KCNT1: variants seen among roughly 807,000 people sequenced by gnomAD.
KCNT1 encodes the protein potassium sodium-activated channel subfamily T member 1.
Under a neutral mutation model 147.8 loss-of-function variants are expected in KCNT1, and 78 were observed. The ratio of observed to expected loss-of-function variants is 0.53; its 90% CI spans 0.44 to 0.64. The LOEUF (loss-of-function observed/expected upper bound fraction) is 0.64, where lower values mean the gene tolerates loss of function less well. KCNT1 is among the 30% of genes least tolerant of loss of function. The pLI is 0.00. For missense variants in KCNT1, 1,419 were observed against 1,750.3 expected, an observed-to-expected ratio of 0.81 and a Z score of 3.38; for synonymous variants, 867 against 748.8, an observed-to-expected ratio of 1.16 and a Z score of -2.58.
intron 2 of KCNT1, among the ~76,000 whole-genome samples, chr9:135,717,198 G>A (rs1238420480): frequency 6.6e-6 from 1 of 151,658 alleles, no homozygotes; most frequent in Non-Finnish European, 1.5e-5. Flanking sequence ...GGATGGGAGG[G>A]AGGGGACCTG....
intron 2 of KCNT1, among the ~76,000 whole-genome samples, chr9:135,744,139 C>T (rs1430978444): frequency 6.6e-6 from 1 of 152,246 alleles, no homozygotes; most frequent in African/African-American, 2.4e-5. Flanking sequence ...AGGCGTGTGC[C>T]TGACAGCCTG....
Position 135,759,853 on chromosome 9 carries a change from A to G in KCNT1, c.1029A>G (p.Pro343=), listed in dbSNP as rs140443242. 5 of 1,602,344 alleles carry G rather than the reference A, an allele frequency of 3.1e-6. No individual in the cohort carries two copies. The African/African-American group carries it at 5.4e-5, about 17-fold the overall frequency. Residue 343 remains proline (P), a synonymous_variant, in exon 11 of 31, where the codon CCA becomes CCG. Transcript: ENST00000371757. ...IMICVALVVL[P]LQFEELVYLW... ...TCTGCGTGGCCCTCGTGGTGCTCCCACTGCAGGTGGGTCCTCTGGGCACCA... is the reference window on the plus strand; with the variant it reads ...TCTGCGTGGCCCTCGTGGTGCTCCCGCTGCAGGTGGGTCCTCTGGGCACCA...
At chr9:135,727,091 C>T (rs368471222) in intron 2 of KCNT1, among the ~76,000 whole-genome samples, 1 of 202 alleles carries the variant, frequency 5.0e-3, no homozygotes, top group Admixed American at 0.12. Context: ...CTCCCTCTCT[C>T]TCCCTCTTTC....
intron 1 of KCNT1, among the ~76,000 whole-genome samples, chr9:135,703,812 C>A (rs1835133928): frequency 6.6e-6 from 1 of 152,240 alleles, no homozygotes; most frequent in African/African-American, 2.4e-5. Context: ...GCCTTTAGCT[C>A]CAGGCCTCAT....
intron 2 of KCNT1, among the ~76,000 whole-genome samples, chr9:135,729,682 C>G: frequency 6.6e-6 from 1 of 152,226 alleles, no homozygotes; most frequent in East Asian, 1.9e-4. Context: ...GGTGGCCTCT[C>G]TGTGGGTGGT....
rs1248373142 is a variant in KCNT1, at chr9:135,770,060, G to A, written c.1619+5G>A. On this transcript the variant is annotated splice_donor_5th_base_variant and intron_variant, in intron 16 of 30. Coordinates refer to ENST00000371757, the MANE Select transcript of KCNT1 (RefSeq NM_020822.3). ...GGTGCACACGTCCCGCGGCCAGTGAGTGCCCCGTGCCCCGGGGGACCGACC... is the reference window on the plus strand; with the variant it reads ...GGTGCACACGTCCCGCGGCCAGTGAATGCCCCGTGCCCCGGGGGACCGACC... 19 of 1,546,582 alleles carry A rather than the reference G, an allele frequency of 1.2e-5. No individual in the cohort carries two copies. The highest frequency in any genetic ancestry group is 1.7e-5 in the Non-Finnish European group (19 of 1,145,028).
chr9:135,774,174 G>A (rs916148305), intron 19 of KCNT1, among the ~76,000 whole-genome samples: 14 of 151,092 alleles, frequency 9.3e-5, no homozygotes, highest in African/African-American at 1.2e-4. Flanking sequence ...GTATGTGTCC[G>A]TGTGTGTGAT....
At chr9:135,703,871 C>T (rs1442533750) in intron 1 of KCNT1, among the ~76,000 whole-genome samples, 4 of 152,264 alleles carry the variant, frequency 2.6e-5, no homozygotes, top group Non-Finnish European at 2.9e-5. Context: ...CCCTGCCCAC[C>T]GGCCCGGGAC....
At chr9:135,732,839 G>A (rs1830162909) in intron 2 of KCNT1, among the ~76,000 whole-genome samples, 1 of 149,776 alleles carries the variant, frequency 6.7e-6, no homozygotes, top group East Asian at 2.0e-4. Context: ...CTCCTTCCTG[G>A]GGCTCCATGC....
chr9:135,744,079 G>A (rs1212159439), intron 2 of KCNT1, among the ~76,000 whole-genome samples: 1 of 152,242 alleles, frequency 6.6e-6, no homozygotes, highest in Non-Finnish European at 1.5e-5. Flanking sequence ...GCCAGAGAGA[G>A]GCAGCTCGGA....
rs1377584703 is a variant in KCNT1 at position 135,778,738 on chromosome 9, T to C, written c.2645T>C (p.Val882Ala). 6.2e-7 allele frequency: 1 copy of C among 1,613,454 alleles called. No homozygotes were observed. The highest frequency in any genetic ancestry group is 8.5e-7 in the Non-Finnish European group (1 of 1,179,878). ...CGIIYADNLV[V>A]VDKESTMSAE... ...ATCATCTATGCGGACAACCTGGTGG[T>C]GGTGGACAAGGAGAGCACCATGAGC... Residue 882 changes from valine (V) to alanine (A), a missense_variant, in exon 23 of 31, where the codon GTG becomes GCG. Val to Ala is a moderately conservative substitution (Grantham distance 64). This residue lies in a region of KCNT1 where 247 missense variants were observed against 397.1 expected (regional missense o/e 0.62). Transcript: ENST00000371757.
intron 1 of KCNT1, among the ~76,000 whole-genome samples, 200 bp downstream of exon 1, chr9:135,702,568 C>G (rs774861824): frequency 6.6e-6 from 1 of 152,100 alleles, no homozygotes. Flanking sequence ...CAGCAGGTGC[C>G]GAGGCAGCAG....
chr9:135,765,326 G>C (rs1832188822), intron 12 of KCNT1, 131 bp downstream of exon 12: 2 of 845,528 alleles, frequency 2.4e-6, no homozygotes, highest in South Asian at 1.7e-5. Flanking sequence ...GAGGGCAGAT[G>C]CCTCCCTCCC....
At chr9:135,768,247 G>GGGC (rs1832438033) in intron 13 of KCNT1, among the ~76,000 whole-genome samples, 1 of 39,450 alleles carries the variant, frequency 2.5e-5, no homozygotes, top group South Asian at 1.0e-3. Context: ...CTGCGGGGGG[G>GGGC]GGGGGGGGGG....
At chr9:135,735,128 C>T (rs1409666990) in intron 2 of KCNT1, among the ~76,000 whole-genome samples, 1 of 152,216 alleles carries the variant, frequency 6.6e-6, no homozygotes, top group East Asian at 1.9e-4. Context: ...CAGGTACAAA[C>T]AGCGCTCTCC....
At chr9:135,715,164 C>T (rs900635966) in intron 2 of KCNT1, among the ~76,000 whole-genome samples, 2 of 152,322 alleles carry the variant, frequency 1.3e-5, no homozygotes, top group South Asian at 2.1e-4. Context: ...GGAGCTTGTC[C>T]TTCAGGTTCG....
chr9:135,741,988 C>T (rs1045885170), intron 2 of KCNT1, among the ~76,000 whole-genome samples: 1 of 152,210 alleles, frequency 6.6e-6, no homozygotes, highest in Non-Finnish European at 1.5e-5. Flanking sequence ...CCTCTCTCTC[C>T]GAGTTCCGAA....
chr9:135,702,912 A>C, intron 1 of KCNT1: 1 of 153,644 alleles, frequency 6.5e-6, no homozygotes, highest in Non-Finnish European at 1.4e-5. Flanking sequence ...GGTTCTGGTC[A>C]CTCCTCGTTC....
intron 2 of KCNT1, among the ~76,000 whole-genome samples, chr9:135,732,042 G>GAGAGAGAGAGGGA (rs1554766213): frequency 1.9e-5 from 1 of 52,684 alleles, no homozygotes; most frequent in Admixed American, 2.1e-4. Context: ...AGAGAGAGAG[G>GAGAGAGAGAGGGA]GAGTCTCACT....
Sources: gnomAD v4.1 joint callset for allele counts (sites outside exome capture counted in the v4.1 genomes callset) on GRCh38, gnomAD v4.1.1 for gene constraint, gnomAD v4.1.1 regional missense constraint, MANE v1.5 for transcripts, NCBI Gene and HGNC (gene_info 2026-07-23, HGNC 2026-07-21) for gene names.